Variants in KHDRBS3 observed in about 807,000 individuals in gnomAD.
KHDRBS3 encodes KH RNA binding domain containing, signal transduction associated 3, also known as KH domain-containing, RNA-binding, signal transduction-associated protein 3.
Under a neutral mutation model 45.6 loss-of-function variants are expected in KHDRBS3, and 23 were observed. That is an observed-to-expected ratio of 0.50 (90% CI 0.36 to 0.72). KHDRBS3 has a LOEUF of 0.72. Ranked by LOEUF, KHDRBS3 falls within the 30% of genes least tolerant of loss-of-function variation. The pLI, the probability that KHDRBS3 is intolerant of heterozygous loss-of-function variation, is 0.00. For synonymous variants in KHDRBS3, 162 were observed against 156.5 expected, an observed-to-expected ratio of 1.04 and a Z score of -0.26; for missense variants, 352 against 424.8, an observed-to-expected ratio of 0.83 and a Z score of 1.51.
chr8:135,478,014 TAGG>T (rs1009416344), intron 1 of KHDRBS3, among the ~76,000 whole-genome samples: 26 of 152,260 alleles, frequency 1.7e-4, no homozygotes, highest in Admixed American at 1.2e-3. Context: ...TAGAGTCTCA[TAGG>T]AGTACAAACC....
chr8:135,573,734 G>T (rs76571339), intron 5 of KHDRBS3, among the ~76,000 whole-genome samples: 1 of 151,662 alleles, frequency 6.6e-6, no homozygotes, highest in South Asian at 2.1e-4. Flanking sequence ...TTTTGTTTTT[G>T]TTTTTTTGGT....
intron 2 of KHDRBS3, among the ~76,000 whole-genome samples, chr8:135,526,222 T>C (rs1825178383): frequency 1.3e-5 from 2 of 152,296 alleles, no homozygotes; most frequent in East Asian, 3.9e-4. Flanking sequence ...ACATCATTAT[T>C]GACTCATAAC....
intron 7 of KHDRBS3, among the ~76,000 whole-genome samples, chr8:135,613,968 T>G (rs1829810843): frequency 6.6e-6 from 1 of 151,580 alleles, no homozygotes; most frequent in African/African-American, 2.4e-5. Context: ...CTTCCAATTT[T>G]CAAATACCTT....
intron 7 of KHDRBS3, among the ~76,000 whole-genome samples, chr8:135,626,803 CAAAAA>C (rs57231709): frequency 1.1e-5 from 1 of 91,120 alleles, no homozygotes; most frequent in African/African-American, 4.8e-5. Context: ...GACTCCGTCT[CAAAAA>C]AAAAAAAAAA....
chr8:135,520,003 G>A (rs949561750), intron 1 of KHDRBS3, among the ~76,000 whole-genome samples: 4 of 152,192 alleles, frequency 2.6e-5, no homozygotes, highest in Non-Finnish European at 2.9e-5. Context: ...GGGAGAGACT[G>A]CACAGGCACC....
chr8:135,581,302 A>G (rs937851753), intron 5 of KHDRBS3, among the ~76,000 whole-genome samples: 2 of 152,234 alleles, frequency 1.3e-5, no homozygotes, highest in Non-Finnish European at 2.9e-5. Context: ...CATTAGAAAT[A>G]CATGAATATG....
At chr8:135,486,554 C>G (rs1398933488) in intron 1 of KHDRBS3, among the ~76,000 whole-genome samples, 1 of 152,154 alleles carries the variant, frequency 6.6e-6, no homozygotes, top group Non-Finnish European at 1.5e-5. Flanking sequence ...ATAACTTGCC[C>G]AGGGTTATAT....
chr8:135,562,010 T>C (rs564568679), intron 5 of KHDRBS3, among the ~76,000 whole-genome samples: 1 of 152,292 alleles, frequency 6.6e-6, no homozygotes, highest in Admixed American at 6.5e-5. Flanking sequence ...TGACAAATTT[T>C]AAAAAATTAC....
chr8:135,574,625 A>G (rs1327857201), intron 5 of KHDRBS3, among the ~76,000 whole-genome samples: 2 of 152,200 alleles, frequency 1.3e-5, no homozygotes, highest in African/African-American at 4.8e-5. Context: ...TGGATATTGG[A>G]TAAGGAAAAC....
At chr8:135,468,881 T>C (rs1821834959) in intron 1 of KHDRBS3, among the ~76,000 whole-genome samples, 1 of 152,236 alleles carries the variant, frequency 6.6e-6, no homozygotes, top group African/African-American at 2.4e-5. Context: ...TGTTTAAAGA[T>C]GAGAGGCTTT....
intron 4 of KHDRBS3, among the ~76,000 whole-genome samples, chr8:135,554,454 A>G (rs1027504607): frequency 2.6e-5 from 4 of 152,196 alleles, no homozygotes; most frequent in African/African-American, 9.6e-5. Flanking sequence ...TTATGTATTA[A>G]TCTTCACACA....
At chr8:135,502,141 T>C (rs1823767577) in intron 1 of KHDRBS3, among the ~76,000 whole-genome samples, 1 of 152,174 alleles carries the variant, frequency 6.6e-6, no homozygotes, top group Non-Finnish European at 1.5e-5. Flanking sequence ...TGCCATTAGG[T>C]GCAGTTTTGT....
At chr8:135,533,572 A>G (rs1261806885) in intron 2 of KHDRBS3, among the ~76,000 whole-genome samples, 1 of 152,146 alleles carries the variant, frequency 6.6e-6, no homozygotes, top group Non-Finnish European at 1.5e-5. Context: ...CTAACTTAAG[A>G]CTGTGGAATA....
At chr8:135,482,335 A>G (rs1238663864) in intron 1 of KHDRBS3, among the ~76,000 whole-genome samples, 1 of 151,656 alleles carries the variant, frequency 6.6e-6, no homozygotes, top group African/African-American at 2.4e-5. Context: ...TAAAACCTGG[A>G]GTAGGATTAC....
intron 1 of KHDRBS3, among the ~76,000 whole-genome samples, chr8:135,520,530 G>A (rs542714591): frequency 6.6e-6 from 1 of 152,242 alleles, no homozygotes; most frequent in African/African-American, 2.4e-5. Flanking sequence ...CCATCTAAGG[G>A]TAGCAGTAGA....
intron 5 of KHDRBS3, among the ~76,000 whole-genome samples, chr8:135,559,416 G>A (rs181102714): frequency 2.0e-5 from 3 of 152,094 alleles, no homozygotes; most frequent in Admixed American, 6.5e-5. Context: ...GCAGTAGCAC[G>A]ATCTTGGCTC....
At chr8:135,554,943 C>T (rs368806287) in intron 4 of KHDRBS3, among the ~76,000 whole-genome samples, 8 of 152,166 alleles carry the variant, frequency 5.3e-5, no homozygotes, top group African/African-American at 1.9e-4. Flanking sequence ...CTGTTCCTCC[C>T]TGCAAACTAT....
intron 7 of KHDRBS3, among the ~76,000 whole-genome samples, chr8:135,626,363 TA>T (rs1830359799): frequency 6.6e-6 from 1 of 152,198 alleles, no homozygotes; most frequent in Non-Finnish European, 1.5e-5. Flanking sequence ...GAAACCTGCT[TA>T]AAAATGAAAA....
intron 2 of KHDRBS3, among the ~76,000 whole-genome samples, chr8:135,522,393 A>G (rs1209531402): frequency 6.6e-6 from 1 of 152,194 alleles, no homozygotes; most frequent in Non-Finnish European, 1.5e-5. Context: ...TATTTGTACA[A>G]GTTGTTTCAT....
Sources: allele counts gnomAD v4.1 joint callset (sites outside exome capture counted in the v4.1 genomes callset), GRCh38; gene constraint gnomAD v4.1.1; transcripts MANE v1.5; gene names NCBI Gene and HGNC (gene_info 2026-07-23, HGNC 2026-07-21).